The following SUCLG1 variants were observed in gnomAD, a reference collection of about 807,000 sequenced individuals.
SUCLG1 encodes the protein succinate-CoA ligase GDP/ADP-forming subunit alpha.
SUCLG1 carries 26 observed loss-of-function variants against 37.3 expected under a neutral mutation model. The observed-to-expected ratio is 0.70, with a 90% CI of 0.51 to 0.97. SUCLG1 has a LOEUF of 0.97. Ranked by LOEUF, SUCLG1 falls within the 50% of genes least tolerant of loss-of-function variation. The pLI is 0.00. For missense variants in SUCLG1, 433 were observed against 432.9 expected (o/e 1.00, Z 0.00); for synonymous variants, 163 against 155.6 (o/e 1.05, Z -0.36).
At position 84,443,311 on chromosome 2, in the gene SUCLG1, G is replaced by A. The variant is rs35996428; in HGVS notation, c.291C>T (p.Gly97=). Residue 97 remains glycine, a synonymous_variant, in exon 3 of 9, where the codon GGC becomes GGT. Coordinates refer to ENST00000393868, the MANE Select transcript of SUCLG1 (RefSeq NM_003849.4). ...TPGKGGQTHL[G]LPVFNTVKEA... ...CCTTCACAGTATTAAAGACAGGTAA[G>A]CCCAGATGTGTCTGGCCTCCTTTCC... 489 of 1,614,108 alleles carry A rather than the reference G, an allele frequency of 3.0e-4. 1 individual carries two copies. The African/African-American group carries it at 5.9e-3, about 20-fold the overall frequency.
chr2:84,449,465 A>G (rs770004593), intron 2 of SUCLG1, among the ~76,000 whole-genome samples, 184 bp downstream of exon 2: 55 of 152,110 alleles, frequency 3.6e-4, no homozygotes, highest in Non-Finnish European at 6.8e-4. Flanking sequence ...GTAAGTTTAA[A>G]CACAATTTTT....
At chr2:84,423,913 C>T in intron 8 of SUCLG1, 141 bp from the exon 9 acceptor site, 1 of 901,256 alleles carries the variant, frequency 1.1e-6, no homozygotes, top group Non-Finnish European at 1.7e-6. Context: ...AAAAATGTAC[C>T]AGGATGAGGG....
chr2:84,425,829 G>GT (rs1672529125), intron 7 of SUCLG1: 5 of 564,198 alleles, frequency 8.9e-6, no homozygotes, highest in Non-Finnish European at 1.6e-5. Flanking sequence ...GCCAATGTCC[G>GT]TATCTGTTCA....
chr2:84,441,143 A>T (rs753172949), intron 4 of SUCLG1, 39 bp from the exon 5 acceptor site: 1 of 1,613,734 alleles, frequency 6.2e-7, no homozygotes, highest in Non-Finnish European at 8.5e-7. Context: ...TTAAAAAAAA[A>T]AGTCACTCAC....
intron 7 of SUCLG1, among the ~76,000 whole-genome samples, chr2:84,430,550 T>G (rs892840842): frequency 1.3e-5 from 2 of 152,154 alleles, no homozygotes; most frequent in Non-Finnish European, 2.9e-5. Flanking sequence ...CCCTTGAAAA[T>G]TCCTTAAAAC....
chr2:84,449,649 C>A lies in SUCLG1; in HGVS notation c.201G>T (p.Gln67His). 1.3e-6 allele frequency: 2 copies of A among 1,578,890 alleles called. No individual in the cohort carries two copies. The highest frequency in any genetic ancestry group is 1.2e-5 in the South Asian group (1 of 85,592). ...KIICQGFTGK[Q>H]GTFHSQQALE... ...AAAATAAAAATCTAGATATACATAC[C>A]TGTTTGCCAGTGAAACCCTGGCAAA... The change falls in exon 2 of 9, where the codon CAG (glutamine) becomes CAT (histidine). Residue 67 changes from glutamine (Q) to histidine (H), a missense_variant and splice_region_variant. Transcript: ENST00000393868.
At chr2:84,433,266 C>T (rs753804816) in intron 6 of SUCLG1, 86 bp downstream of exon 6, 1 of 1,168,440 alleles carries the variant, frequency 8.6e-7, no homozygotes, top group Non-Finnish European at 1.3e-6. Context: ...AAATCTTTTG[C>T]AAATAATAAA....
chr2:84,441,314 A>G lies in SUCLG1; in HGVS notation c.464T>C (p.Val155Ala). ...EGIPQQDMVR[V>A]KHKLLRQEKT... is the part of the protein sequence containing the mutation. ...TTCCTGGCGCAGCAGTTTGTGCTTG[A>G]CTCGTACCATGTCCTGCTGGGGAAT... is the stretch of plus-strand genomic sequence containing the variant. Residue 155 changes from valine to alanine, a missense_variant, in exon 4 of 9, where the codon GTC becomes GCC. By Grantham distance (64) the Val-to-Ala change is moderately conservative. Transcript: ENST00000393868. 1 of 1,613,812 alleles carries G rather than the reference A, an allele frequency of 6.2e-7. No individual in the cohort carries two copies. The highest frequency in any genetic ancestry group is 8.5e-7 in the Non-Finnish European group (1 of 1,179,966).
rs78191543 is a variant in SUCLG1, at chr2:84,438,069, C to T, written c.589+2978G>A. On this transcript the variant is annotated intron_variant, in intron 5 of 8. Coordinates refer to ENST00000393868, the MANE Select transcript of SUCLG1 (RefSeq NM_003849.4). Reference sequence around the variant, plus strand: ...TCAGGAACTGAGAAGGGGGTGGAAGCAGGAGGCACGTGACTAGAAAAGGGT... The same window carrying T: ...TCAGGAACTGAGAAGGGGGTGGAAGTAGGAGGCACGTGACTAGAAAAGGGT... Among the ~76,000 whole-genome samples, 20 of 152,198 alleles carry T rather than the reference C, an allele frequency of 1.3e-4. No homozygotes were observed. The East Asian group carries it at 3.7e-3, about 28-fold the overall frequency.
intron 3 of SUCLG1, 138 bp downstream of exon 3, chr2:84,443,146 A>G: frequency 1.2e-6 from 1 of 823,976 alleles, no homozygotes; most frequent in South Asian, 1.4e-5. Flanking sequence ...TTTGATGGCA[A>G]TTCAAATTTC....
intron 5 of SUCLG1, among the ~76,000 whole-genome samples, chr2:84,437,730 A>C (rs961363130): frequency 1.3e-5 from 2 of 152,268 alleles, no homozygotes; most frequent in African/African-American, 4.8e-5. Context: ...TTCCAAAAAA[A>C]TGAAGACAAT....
At chr2:84,453,452 C>T (rs2104268217) in intron 1 of SUCLG1, among the ~76,000 whole-genome samples, 1 of 151,586 alleles carries the variant, frequency 6.6e-6, no homozygotes, top group Admixed American at 6.6e-5. Flanking sequence ...TTTTACTCTG[C>T]AGCCCAGGCT....
chr2:84,444,932 T>C (rs1010491745), intron 2 of SUCLG1, among the ~76,000 whole-genome samples: 1 of 152,220 alleles, frequency 6.6e-6, no homozygotes, highest in African/African-American at 2.4e-5. Context: ...TCCCTGAACA[T>C]TGCTGTTATC....
At chr2:84,446,239 C>A (rs747828101) in intron 2 of SUCLG1, among the ~76,000 whole-genome samples, 1 of 152,250 alleles carries the variant, frequency 6.6e-6, no homozygotes, top group Non-Finnish European at 1.5e-5. Flanking sequence ...TCATAACATA[C>A]CACATAATAT....
chr2:84,433,041 C>T (rs1487245281), intron 6 of SUCLG1, among the ~76,000 whole-genome samples: 1 of 152,084 alleles, frequency 6.6e-6, no homozygotes, highest in Non-Finnish European at 1.5e-5. Context: ...GCAATGATAA[C>T]AAAAGTCCTA....
Position 84,443,310 on chromosome 2 carries a change from A to C in SUCLG1, c.292T>G (p.Leu98Val), listed in dbSNP as rs776342646. Reference protein sequence around the residue: ...PGKGGQTHLGLPVFNTVKEAK... With the variant: ...PGKGGQTHLGVPVFNTVKEAK... ...TCCTTCACAGTATTAAAGACAGGTAAGCCCAGATGTGTCTGGCCTCCTTTC... is the reference window on the plus strand; with the variant it reads ...TCCTTCACAGTATTAAAGACAGGTACGCCCAGATGTGTCTGGCCTCCTTTC... The change falls in exon 3 of 9, where the codon TTA (leucine) becomes GTA (valine). Residue 98 changes from leucine (L) to valine (V), a missense_variant. Physicochemically the swap from Leu to Val is conservative, Grantham distance 32. Transcript: ENST00000393868. 1 of 1,614,180 alleles carries C rather than the reference A, an allele frequency of 6.2e-7. No homozygotes were observed. Among genetic ancestry groups the C allele is most frequent in the South Asian group, 1.1e-5 (1 of 91,084 alleles).
chr2:84,441,808 T>G (rs1672778444), intron 3 of SUCLG1, among the ~76,000 whole-genome samples: 1 of 152,186 alleles, frequency 6.6e-6, no homozygotes, highest in Non-Finnish European at 1.5e-5. Context: ...TTTAAAACTC[T>G]GTTCAAGATG....
chr2:84,432,265 A>G (rs1672624000), intron 6 of SUCLG1: 1 of 152,538 alleles, frequency 6.6e-6, no homozygotes, highest in Admixed American at 6.5e-5. Flanking sequence ...GGGTTAAAGT[A>G]AATGTTCCCT....
chr2:84,447,884 C>T (rs1672873118), intron 2 of SUCLG1, among the ~76,000 whole-genome samples: 1 of 152,042 alleles, frequency 6.6e-6, no homozygotes, highest in African/African-American at 2.4e-5. Flanking sequence ...CATGCACCAC[C>T]ACACCCAGCT....
Sources: allele counts gnomAD v4.1 joint callset (sites outside exome capture counted in the v4.1 genomes callset), GRCh38; gene constraint gnomAD v4.1.1; transcripts MANE v1.5; gene names NCBI Gene and HGNC (gene_info 2026-07-23, HGNC 2026-07-21).